The following CCDC170 variants were observed in gnomAD, a reference collection of about 807,000 sequenced individuals.
The protein encoded by CCDC170 is coiled-coil domain containing 170, also known as coiled-coil domain-containing protein 170.
CCDC170 carries 69 observed loss-of-function variants against 72.6 expected under a neutral mutation model. That is an observed-to-expected ratio of 0.95 (90% CI 0.78 to 1.16). The LOEUF (loss-of-function observed/expected upper bound fraction) is 1.16. Among genes scored for constraint, CCDC170 ranks in the 50% most tolerant of loss-of-function variants. The pLI, the probability that CCDC170 is intolerant of heterozygous loss-of-function variation, is 0.00. For synonymous variants in CCDC170, 300 were observed against 303.9 expected, an observed-to-expected ratio of 0.99 and a Z score of 0.13; for missense variants, 852 against 832.5, an observed-to-expected ratio of 1.02 and a Z score of -0.29.
chr6:151,513,140 C>T (rs765209539), intron 1 of CCDC170, among the ~76,000 whole-genome samples: 1 of 152,068 alleles, frequency 6.6e-6, no homozygotes, highest in Non-Finnish European at 1.5e-5. Flanking sequence ...GGAGAGTAGT[C>T]AACTTAAAAT....
chr6:151,514,242 AG>A (rs1782195623), intron 1 of CCDC170, among the ~76,000 whole-genome samples: 1 of 149,550 alleles, frequency 6.7e-6, no homozygotes, highest in South Asian at 2.1e-4. Flanking sequence ...TCAAGTCTGC[AG>A]TGAGCCGTGA....
chr6:151,536,558 C>A, intron 2 of CCDC170, 112 bp downstream of exon 2: 18 of 1,233,632 alleles, frequency 1.5e-5, no homozygotes, highest in Non-Finnish European at 2.0e-5. Context: ...AGGCAGATCA[C>A]GAGGTCAAGA....
intron 9 of CCDC170, among the ~76,000 whole-genome samples, chr6:151,602,065 G>A (rs901216993): frequency 3.9e-5 from 6 of 152,076 alleles, no homozygotes; most frequent in African/African-American, 1.2e-4. Context: ...TTTTGTACTC[G>A]TTTCTATGTC....
At chr6:151,500,216 T>G (rs1238393751) in intron 1 of CCDC170, among the ~76,000 whole-genome samples, 1 of 89,602 alleles carries the variant, frequency 1.1e-5, no homozygotes, top group Non-Finnish European at 2.1e-5. Flanking sequence ...GTTTGCTCTG[T>G]TTTTTTTTTT....
chr6:151,536,294 T>G (rs202010727), intron 1 of CCDC170, 24 bp from the exon 2 acceptor site: 12 of 1,611,652 alleles, frequency 7.4e-6, no homozygotes, highest in African/African-American at 5.3e-5. Flanking sequence ...CTTTATATTT[T>G]GTATTTTGGG....
intron 9 of CCDC170, among the ~76,000 whole-genome samples, chr6:151,603,091 A>G (rs117622666): frequency 0.057 from 8,709 of 152,236 alleles, 296 homozygotes; most frequent in South Asian, 0.096. Flanking sequence ...GTGAGACAAC[A>G]TGCCCAGCTG....
At position 151,593,252 on chromosome 6, in the gene CCDC170, A is replaced by G; in HGVS notation, c.1439A>G (p.Lys480Arg). 6.2e-7 allele frequency: 1 copy of G among 1,614,096 alleles called. No homozygotes were observed. Residue 480 changes from lysine (K) to arginine (R), a missense_variant, in exon 8 of 11, where the codon AAG (lysine) becomes AGG (arginine). Lys to Arg is a conservative substitution (Grantham distance 26, BLOSUM62 2). Transcript: ENST00000239374. ...RLESNAVIENKTIAHNLQRKL... is the reference protein window; with the variant it reads ...RLESNAVIENRTIAHNLQRKL... ...GAGAGCAATGCAGTCATTGAGAACAAGACCATTGCCCACAATTTGCAGAGA... is the reference window on the plus strand; with the variant it reads ...GAGAGCAATGCAGTCATTGAGAACAGGACCATTGCCCACAATTTGCAGAGA...
intron 9 of CCDC170, among the ~76,000 whole-genome samples, chr6:151,597,221 G>T (rs909891292): frequency 6.6e-6 from 1 of 152,152 alleles, no homozygotes. Flanking sequence ...CTCTGCCTGG[G>T]TTCAAGTGAT....
In CCDC170 at chr6:151,548,361, G is replaced by T. The variant is rs748270463; in HGVS notation, c.646G>T (p.Glu216Ter). The T allele has an allele frequency of 6.2e-7, 1 of 1,609,838 alleles. No individual in the cohort carries two copies. The highest frequency in any genetic ancestry group is 8.5e-7 in the Non-Finnish European group (1 of 1,177,756). The change falls in exon 5 of 11, where the codon GAG (glutamate) becomes TAG (stop). Residue 216 changes from glutamate (E) to a stop codon, truncating the protein, a stop_gained. Coordinates refer to ENST00000239374, the MANE Select transcript of CCDC170 (RefSeq NM_025059.4). LOFTEE classifies it high-confidence loss of function. ...GAAAGGACAAATTGTTATTCTTGAA[G>T]AGACTATAAATGTCCATGAGATGGA... ...FVKGQIVILE[E>*]TINVHEMEAK...
At chr6:151,509,692 G>C (rs1782120712) in intron 1 of CCDC170, among the ~76,000 whole-genome samples, 1 of 152,164 alleles carries the variant, frequency 6.6e-6, no homozygotes, top group Admixed American at 6.5e-5. Context: ...TCAATTATTT[G>C]AGCTTAACAT....
intron 6 of CCDC170, among the ~76,000 whole-genome samples, chr6:151,581,305 G>C (rs914722673): frequency 3.9e-5 from 6 of 152,210 alleles, no homozygotes; most frequent in Admixed American, 2.0e-4. Flanking sequence ...CTAAATTTAT[G>C]TTATATTCTA....
At chr6:151,547,741 T>A (rs1782800019) in intron 4 of CCDC170, among the ~76,000 whole-genome samples, 1 of 152,190 alleles carries the variant, frequency 6.6e-6, no homozygotes, top group Admixed American at 6.5e-5. Flanking sequence ...TATTTTCCCC[T>A]TGTAAATCTT....
chr6:151,605,292 C>T (rs983383624), intron 9 of CCDC170, among the ~76,000 whole-genome samples: 10 of 152,208 alleles, frequency 6.6e-5, no homozygotes, highest in African/African-American at 2.4e-4. Context: ...GTGTTTGCCT[C>T]AGCTCTAGTC....
chr6:151,586,066 A>G lies in CCDC170; in HGVS notation c.1270A>G (p.Asn424Asp). 1 of 1,614,158 alleles carries G rather than the reference A, an allele frequency of 6.2e-7. No homozygotes were observed. The highest frequency in any genetic ancestry group is 8.5e-7 in the Non-Finnish European group (1 of 1,179,984). ...GGTTTCTGGAGGTGTTTTGCGAGAC[A>G]ACTTGAATTTTGAGAAACAAAAAGT... ...ELVSGGVLRDNLNFEKQKYLK... is the reference protein window; with the variant it reads ...ELVSGGVLRDDLNFEKQKYLK... Residue 424 changes from asparagine to aspartate, a missense_variant, in exon 7 of 11, where the codon AAC (asparagine) becomes GAC (aspartate). Coordinates refer to ENST00000239374, the MANE Select transcript of CCDC170 (RefSeq NM_025059.4).
chr6:151,547,931 A>G (rs897539142), intron 4 of CCDC170, among the ~76,000 whole-genome samples: 1 of 152,240 alleles, frequency 6.6e-6, no homozygotes, highest in Non-Finnish European at 1.5e-5. Flanking sequence ...CCAGTGCCAC[A>G]TGGTGACTTG....
chr6:151,590,958 A>G (rs989556951), intron 7 of CCDC170, among the ~76,000 whole-genome samples: 1 of 152,246 alleles, frequency 6.6e-6, no homozygotes, highest in South Asian at 2.1e-4. Flanking sequence ...ACAGCATTAA[A>G]CAGTGATAAC....
chr6:151,497,653 A>C (rs1293257601), intron 1 of CCDC170, among the ~76,000 whole-genome samples: 1 of 152,068 alleles, frequency 6.6e-6, no homozygotes, highest in East Asian at 1.9e-4. Context: ...AGACTGCATA[A>C]CTTTGTCATG....
intron 1 of CCDC170, among the ~76,000 whole-genome samples, chr6:151,535,142 ATG>A: frequency 6.6e-6 from 1 of 152,218 alleles, no homozygotes. Context: ...TTTGATTCAT[ATG>A]TGTTTCTTTT....
chr6:151,562,189 C>T (rs1223205031), intron 5 of CCDC170, among the ~76,000 whole-genome samples: 5 of 152,162 alleles, frequency 3.3e-5, no homozygotes, highest in African/African-American at 1.2e-4. Context: ...TCCTTGCAAT[C>T]CGTATTTTGA....
Sources: gnomAD v4.1 joint callset for allele counts (sites outside exome capture counted in the v4.1 genomes callset) on GRCh38, gnomAD v4.1.1 for gene constraint, MANE v1.5 for transcripts, NCBI Gene and HGNC (gene_info 2026-07-23, HGNC 2026-07-21) for gene names.